The following SYCP1 variants were observed in gnomAD, a reference collection of about 807,000 sequenced individuals.
The protein encoded by SYCP1 is synaptonemal complex protein 1.
Under a neutral mutation model 153.1 loss-of-function variants are expected in SYCP1, and 64 were observed. The observed-to-expected ratio is 0.42, with a 90% CI of 0.34 to 0.51. The LOEUF (loss-of-function observed/expected upper bound fraction) is 0.51. Among genes scored for constraint, SYCP1 ranks in the 20% least tolerant of loss-of-function variants. The pLI is 0.06. For missense variants in SYCP1, 997 were observed against 1,049.0 expected, an observed-to-expected ratio of 0.95 and a Z score of 0.68; for synonymous variants, 384 against 341.8, an observed-to-expected ratio of 1.12 and a Z score of -1.36.
intron 16 of SYCP1, 104 bp from the exon 17 acceptor site, chr1:114,910,293 C>T: frequency 1.5e-6 from 1 of 684,526 alleles, no homozygotes; most frequent in African/African-American, 1.9e-5. Flanking sequence ...GAATTTTAGC[C>T]AGGGGGAAGC....
intron 30 of SYCP1, among the ~76,000 whole-genome samples, chr1:114,992,798 T>C (rs749977260): frequency 1.3e-5 from 2 of 151,428 alleles, no homozygotes; most frequent in South Asian, 2.1e-4. Context: ...GCATCAAAAT[T>C]AAGAACTGTT....
At chr1:114,953,294 T>C (rs956248669) in intron 27 of SYCP1, among the ~76,000 whole-genome samples, 2 of 152,242 alleles carry the variant, frequency 1.3e-5, no homozygotes, top group Non-Finnish European at 2.9e-5. Flanking sequence ...AACAGTTTTT[T>C]TGCAGAACAA....
chr1:114,864,608 T>C (rs1664607187), intron 8 of SYCP1, among the ~76,000 whole-genome samples: 1 of 151,954 alleles, frequency 6.6e-6, no homozygotes, highest in African/African-American at 2.4e-5. Context: ...CCTACCTCAG[T>C]TTCCCAAGTA....
chr1:114,960,672 C>T (rs1029013090), intron 27 of SYCP1, among the ~76,000 whole-genome samples: 1 of 152,048 alleles, frequency 6.6e-6, no homozygotes, highest in Admixed American at 6.6e-5. Context: ...ATGTTGAGTA[C>T]GTTTTCATAT....
At chr1:114,905,831 C>T (rs1052241979) in intron 16 of SYCP1, among the ~76,000 whole-genome samples, 21 of 152,242 alleles carry the variant, frequency 1.4e-4, no homozygotes, top group Admixed American at 4.6e-4. Flanking sequence ...GAAATTAGTC[C>T]ATTTCCCCCA....
chr1:114,988,095 AAG>A (rs1491044451), intron 30 of SYCP1, among the ~76,000 whole-genome samples: 6 of 148,248 alleles, frequency 4.0e-5, no homozygotes, highest in African/African-American at 1.5e-4. Flanking sequence ...AAAAAAAAAA[AAG>A]AAAAAGAAAA....
chr1:114,885,481 T>G, intron 12 of SYCP1, 54 bp from the exon 13 acceptor site: 1 of 1,030,588 alleles, frequency 9.7e-7, no homozygotes, highest in Non-Finnish European at 1.4e-6. Context: ...ATACTTAGTT[T>G]TCTTGGTATA....
chr1:114,945,784 T>G (rs1247536435), intron 25 of SYCP1, among the ~76,000 whole-genome samples: 1 of 110,836 alleles, frequency 9.0e-6, no homozygotes, highest in Non-Finnish European at 2.3e-5. Flanking sequence ...TTTGATGTAA[T>G]AATTTTTTTA....
chr1:114,908,858 G>A (rs903283332), intron 16 of SYCP1, among the ~76,000 whole-genome samples: 3 of 152,090 alleles, frequency 2.0e-5, no homozygotes, highest in Non-Finnish European at 4.4e-5. Context: ...CTTTTCCCTT[G>A]AGAATGTTGA....
intron 12 of SYCP1, among the ~76,000 whole-genome samples, chr1:114,882,862 CTG>C (rs1397501217): frequency 6.6e-6 from 1 of 152,162 alleles, no homozygotes; most frequent in African/African-American, 2.4e-5. Flanking sequence ...GCAAATCTGC[CTG>C]TGAGTTGGTT....
At chr1:114,912,492 C>A (rs992386227) in intron 18 of SYCP1, among the ~76,000 whole-genome samples, 1 of 151,914 alleles carries the variant, frequency 6.6e-6, no homozygotes, top group African/African-American at 2.4e-5. Flanking sequence ...AATCTCTCTT[C>A]CAAAGTAGAA....
chr1:114,902,112 C>T (rs576064422), intron 16 of SYCP1, among the ~76,000 whole-genome samples: 1 of 146,618 alleles, frequency 6.8e-6, no homozygotes, highest in East Asian at 2.2e-4. Flanking sequence ...GGGAGGGCGG[C>T]GGGGAACTGC....
intron 23 of SYCP1, 113 bp from the exon 24 acceptor site, chr1:114,944,225 AT>A (rs1670549761): frequency 1.6e-6 from 1 of 624,512 alleles, no homozygotes; most frequent in South Asian, 2.3e-5. Flanking sequence ...ATCCAACCTA[AT>A]TTCCATGAAT....
Position 114,947,330 on chromosome 1 carries a change from T to C in SYCP1, c.2322+10T>C, listed in dbSNP as rs2101830563. On this transcript the variant is annotated intron_variant, in intron 27 of 31. Transcript: ENST00000369522. Reference sequence around the variant, plus strand: ...AGAAAGAGAAGAGAAGGTAGGTTTTTTGGCATTATAGATAAAATGATTACA... The same window carrying C: ...AGAAAGAGAAGAGAAGGTAGGTTTTCTGGCATTATAGATAAAATGATTACA... The C allele has an allele frequency of 3.1e-6, 5 of 1,607,560 alleles. No individual in the cohort carries two copies. In the East Asian group the frequency reaches 1.1e-4, roughly 36 times the overall value.
rs1570645264 is a variant in SYCP1 at position 114,859,729 on chromosome 1, G to A, written c.457-14G>A. 3 of 985,000 alleles carry A rather than the reference G, an allele frequency of 3.0e-6. No individual in the cohort carries two copies. The highest frequency in any genetic ancestry group is 1.6e-4 in the East Asian group (2 of 12,136). 61.0% of individuals were successfully genotyped at this position (985,000 alleles called of 1,614,324 possible). A position where few individuals can be genotyped will look rare whatever the true frequency, so the allele number is the denominator to read the frequency against. On this transcript the variant is annotated splice_polypyrimidine_tract_variant and intron_variant, in intron 6 of 31. Transcript: ENST00000369522. Reference sequence around the variant, plus strand: ...TAAGCAAAATGGGATGAACTTTTCTGTTTTATAAATTAGTTTGGAAATGAA... The same window carrying A: ...TAAGCAAAATGGGATGAACTTTTCTATTTTATAAATTAGTTTGGAAATGAA...
At chr1:114,902,292 T>G (rs360651) in intron 16 of SYCP1, among the ~76,000 whole-genome samples, 53,808 of 151,194 alleles carry the variant, frequency 0.36, 10,534 homozygotes, top group East Asian at 0.5. Flanking sequence ...GAAAAAGATG[T>G]TTTTTTTTGG....
chr1:114,992,255 T>C (rs1298711089), intron 30 of SYCP1, among the ~76,000 whole-genome samples: 1 of 151,768 alleles, frequency 6.6e-6, no homozygotes, highest in African/African-American at 2.4e-5. Context: ...ATGCAATTTC[T>C]ATAAAAATTC....
chr1:114,900,520 A>G (rs1570730460), intron 16 of SYCP1, among the ~76,000 whole-genome samples: 1 of 152,318 alleles, frequency 6.6e-6, no homozygotes, highest in Non-Finnish European at 1.5e-5. Context: ...ACCACAAGTG[A>G]TCCACCTCCC....
At chr1:114,979,172 T>C (rs1490592467) in intron 28 of SYCP1, among the ~76,000 whole-genome samples, 2 of 151,398 alleles carry the variant, frequency 1.3e-5, no homozygotes, top group Admixed American at 1.3e-4. Flanking sequence ...CCAACACTAC[T>C]GAAACATAAG....
Sources: gnomAD v4.1 joint callset for allele counts (sites outside exome capture counted in the v4.1 genomes callset) on GRCh38, gnomAD v4.1.1 for gene constraint, MANE v1.5 for transcripts, NCBI Gene and HGNC (gene_info 2026-07-23, HGNC 2026-07-21) for gene names.